Variants in MCC observed in about 807,000 individuals in gnomAD.
MCC encodes MCC regulator of Wnt signaling pathway, also known as colorectal mutant cancer protein.
MCC carries 90 observed loss-of-function variants against 116.2 expected under a neutral mutation model. That is an observed-to-expected ratio of 0.77 (90% confidence interval 0.65 to 0.92). The LOEUF (loss-of-function observed/expected upper bound fraction) is 0.92, where lower values mean the gene tolerates loss of function less well. MCC is among the 40% of genes least tolerant of loss of function. The probability of loss-of-function intolerance (pLI) is 0.00; values close to 1 mark genes in which losing one functional copy is unlikely to be tolerated. For synonymous variants in MCC, 578 were observed against 510.5 expected (o/e 1.13, Z -1.78); for missense variants, 1,516 against 1,312.2 (o/e 1.16, Z -2.40).
chr5:113,218,139 G>A (rs1168610360), intron 3 of MCC, among the ~76,000 whole-genome samples: 6 of 144,864 alleles, frequency 4.1e-5, no homozygotes, highest in Non-Finnish European at 9.0e-5. Context: ...TGGAGAGTGG[G>A]GGGGTGGGGG....
chr5:113,080,053 T>C (rs1754742056), intron 11 of MCC, among the ~76,000 whole-genome samples: 1 of 152,124 alleles, frequency 6.6e-6, no homozygotes, highest in South Asian at 2.1e-4. Flanking sequence ...CATGAAAAAA[T>C]GCTCAGCATC....
At chr5:113,296,182 G>A (rs937096786) in intron 3 of MCC, among the ~76,000 whole-genome samples, 1 of 152,136 alleles carries the variant, frequency 6.6e-6, no homozygotes, top group African/African-American at 2.4e-5. Context: ...GAGATGGGAA[G>A]CTACATTATT....
intron 3 of MCC, among the ~76,000 whole-genome samples, chr5:113,196,722 G>T (rs1210633312): frequency 6.6e-6 from 1 of 152,128 alleles, no homozygotes; most frequent in Admixed American, 6.5e-5. Flanking sequence ...GGTGGCACAT[G>T]CCTGTAATCC....
At chr5:113,085,845 C>T (rs1322715977) in intron 8 of MCC, among the ~76,000 whole-genome samples, 1 of 152,166 alleles carries the variant, frequency 6.6e-6, no homozygotes, top group African/African-American at 2.4e-5. Flanking sequence ...GCACACACCA[C>T]ACCTGGCTAA....
intron 3 of MCC, among the ~76,000 whole-genome samples, chr5:113,287,077 T>C (rs1220272381): frequency 6.6e-6 from 1 of 152,054 alleles, no homozygotes; most frequent in Non-Finnish European, 1.5e-5. Flanking sequence ...CGGGCAGATA[T>C]ATGGGGGAGG....
intron 3 of MCC, among the ~76,000 whole-genome samples, chr5:113,339,797 A>C (rs560044954): frequency 6.6e-6 from 1 of 152,396 alleles, no homozygotes; most frequent in South Asian, 2.1e-4. Context: ...AATATGCATA[A>C]GTCAAGGTTA....
At chr5:113,053,251 G>A (rs1436027061) in intron 15 of MCC, among the ~76,000 whole-genome samples, 1 of 152,158 alleles carries the variant, frequency 6.6e-6, no homozygotes, top group African/African-American at 2.4e-5. Context: ...TCACTGGAGG[G>A]CACTATGGTC....
At chr5:113,354,891 G>A (rs919753730) in intron 2 of MCC, among the ~76,000 whole-genome samples, 8 of 151,080 alleles carry the variant, frequency 5.3e-5, no homozygotes, top group Admixed American at 1.3e-4. Flanking sequence ...TTGTTCTTAC[G>A]TAGAAAAATA....
intron 6 of MCC, among the ~76,000 whole-genome samples, chr5:113,110,782 T>A (rs148943250): frequency 1.3e-5 from 2 of 152,244 alleles, no homozygotes; most frequent in African/African-American, 4.8e-5. Flanking sequence ...GATAGGGCTA[T>A]GGTGTCTGGC....
intron 8 of MCC, among the ~76,000 whole-genome samples, chr5:113,089,455 G>T (rs1244058513): frequency 6.6e-6 from 1 of 152,250 alleles, no homozygotes; most frequent in African/African-American, 2.4e-5. Context: ...AAGTAAGGAA[G>T]AAAAAGTTGG....
intron 5 of MCC, among the ~76,000 whole-genome samples, chr5:113,131,344 A>T (rs898815965): frequency 2.6e-5 from 4 of 152,124 alleles, no homozygotes; most frequent in African/African-American, 9.7e-5. Context: ...GTGAACATTT[A>T]AAAAAAGCCA....
chr5:113,137,068 C>G (rs772160338), intron 5 of MCC, among the ~76,000 whole-genome samples: 3 of 152,128 alleles, frequency 2.0e-5, no homozygotes, highest in Non-Finnish European at 4.4e-5. Context: ...TTCCCTGAGA[C>G]TGGGTAACTT....
At chr5:113,162,275 G>C (rs1760531053) in intron 3 of MCC, among the ~76,000 whole-genome samples, 1 of 152,190 alleles carries the variant, frequency 6.6e-6, no homozygotes, top group African/African-American at 2.4e-5. Flanking sequence ...TCATGGTTAA[G>C]GACATAGGCT....
At chr5:113,185,590 A>T (rs1761861639) in intron 3 of MCC, among the ~76,000 whole-genome samples, 1 of 152,236 alleles carries the variant, frequency 6.6e-6, no homozygotes, top group Non-Finnish European at 1.5e-5. Context: ...CAAAAAGGTA[A>T]GAAAGAGAAT....
chr5:113,247,735 T>C (rs1452648085), intron 3 of MCC, among the ~76,000 whole-genome samples: 2 of 151,972 alleles, frequency 1.3e-5, no homozygotes, highest in African/African-American at 4.8e-5. Context: ...TAAATGGGAT[T>C]TGGCCATCTA....
At chr5:113,150,435 A>G (rs1759784726) in intron 4 of MCC, among the ~76,000 whole-genome samples, 1 of 152,186 alleles carries the variant, frequency 6.6e-6, no homozygotes. Flanking sequence ...AATCCCCCAA[A>G]CAAAAACACT....
chr5:113,038,031 G>A (rs1751436120), intron 17 of MCC, among the ~76,000 whole-genome samples: 1 of 152,156 alleles, frequency 6.6e-6, no homozygotes, highest in South Asian at 2.1e-4. Context: ...GACCCATTAG[G>A]ACACTACTCT....
chr5:113,421,691 A>G (rs1255639839), intron 1 of MCC, among the ~76,000 whole-genome samples: 1 of 152,184 alleles, frequency 6.6e-6, no homozygotes, highest in African/African-American at 2.4e-5. Flanking sequence ...ACCAGTTTTC[A>G]CTTCATTTTC....
At chr5:113,333,846 T>TATATGTACATATATGTAC (rs1767794762) in intron 3 of MCC, among the ~76,000 whole-genome samples, 2 of 62,624 alleles carry the variant, frequency 3.2e-5, no homozygotes, top group Admixed American at 2.0e-4. Context: ...TATATATGTA[T>TATATGTACATATATGTAC]ATATGTACAT....
Sources: gnomAD v4.1 joint callset for allele counts (sites outside exome capture counted in the v4.1 genomes callset) on GRCh38, gnomAD v4.1.1 for gene constraint, MANE v1.5 for transcripts, NCBI Gene and HGNC (gene_info 2026-07-23, HGNC 2026-07-21) for gene names.